The following TYW1 variants were observed in gnomAD, a reference collection of about 807,000 sequenced individuals.
TYW1 encodes the protein tRNA-yW synthesizing protein 1 homolog.
A neutral mutation model predicts 96.2 loss-of-function variants in TYW1; 46 were observed. The ratio of observed to expected loss-of-function variants is 0.48; its 90% CI spans 0.38 to 0.61. TYW1 has a LOEUF of 0.61. Among genes scored for constraint, TYW1 ranks in the 20% least tolerant of loss-of-function variants. The pLI, the probability that TYW1 is intolerant of heterozygous loss-of-function variation, is 0.00. For missense variants in TYW1, 684 were observed against 909.6 expected (o/e 0.75, Z 3.19); for synonymous variants, 274 against 323.0 (o/e 0.85, Z 1.63).
At position 67,077,001 on chromosome 7, in the gene TYW1, T is replaced by C. The variant is rs2115733270; in HGVS notation, c.1275-6429T>C. ...GTTGGCCAGGCTGGCTTCAAACTCC[T>C]GACCTCAAGTGATCCACTGGCCTCA... On this transcript the variant is annotated intron_variant, in intron 10 of 15. Transcript: ENST00000359626. Among the ~76,000 whole-genome samples, 5 of 152,212 alleles carry C rather than the reference T, an allele frequency of 3.3e-5. No homozygotes were observed. In the South Asian group the frequency reaches 1.0e-3, roughly 32 times the overall value.
At chr7:67,142,266 T>A (rs4593419) in intron 13 of TYW1, among the ~76,000 whole-genome samples, 39,386 of 151,658 alleles carry the variant, frequency 0.26, 5,597 homozygotes, top group African/African-American at 0.38. Flanking sequence ...CAGTTAATCT[T>A]TATTTATTTA....
chr7:67,005,782 A>C (rs1015572989), intron 3 of TYW1, among the ~76,000 whole-genome samples: 43 of 152,238 alleles, frequency 2.8e-4, no homozygotes, highest in African/African-American at 9.9e-4. Flanking sequence ...AAAACCCTGC[A>C]CTGACCCCTT....
intron 9 of TYW1, 149 bp from the exon 10 acceptor site, chr7:67,067,136 C>T (rs571697246): frequency 9.4e-6 from 8 of 852,460 alleles, no homozygotes; most frequent in African/African-American, 6.7e-5. Context: ...CACTGAAATG[C>T]TCTGATGCGA....
At chr7:67,076,828 G>T (rs1796224371) in intron 10 of TYW1, among the ~76,000 whole-genome samples, 1 of 145,832 alleles carries the variant, frequency 6.9e-6, no homozygotes, top group Non-Finnish European at 1.5e-5. Flanking sequence ...AGGCTGGAGT[G>T]CAATGACACA....
At chr7:67,141,861 C>T (rs1447566849) in intron 13 of TYW1, among the ~76,000 whole-genome samples, 4 of 152,150 alleles carry the variant, frequency 2.6e-5, no homozygotes, top group East Asian at 3.9e-4. Flanking sequence ...CATGGGGAGA[C>T]GCCCTCTCTA....
rs1014357328 is a variant in TYW1, at chr7:67,197,983, G to A, written c.1977+2646G>A. ...TGCCCCCCGCCCCCGCAGCATACAC[G>A]TGCACGCATCGTCTTTTCTGAACCC... On this transcript the variant is annotated intron_variant, in intron 15 of 15. Transcript: ENST00000359626. Among the ~76,000 whole-genome samples, 29 of 105,438 alleles carry A rather than the reference G, an allele frequency of 2.8e-4. 1 individual carries two copies. The highest frequency in any genetic ancestry group is 1.2e-3 in the South Asian group (3 of 2,590). The allele number at this position is 105,438 out of a possible 152,430, so 69.2% of individuals were successfully genotyped here.
chr7:67,127,637 C>T (rs1159046506), intron 13 of TYW1, among the ~76,000 whole-genome samples: 5 of 152,150 alleles, frequency 3.3e-5, no homozygotes, highest in African/African-American at 1.2e-4. Flanking sequence ...TTTTATTTTA[C>T]TCCTTCTCTG....
In TYW1 at chr7:67,176,435, C is replaced by T. The variant is rs1236863275; in HGVS notation, c.1699-6691C>T. Among the ~76,000 whole-genome samples the T allele has an allele frequency of 4.6e-5, 7 of 152,278 alleles. No homozygotes were observed. The South Asian group carries it at 1.2e-3, about 27-fold the overall frequency. The stretch of plus-strand genomic sequence containing the variant: ...GCTGTGCATTGGAATTTAAAGACTA[C>T]ACTTGATCTTAGCCAAAAGGCCAAG... On this transcript the variant is annotated intron_variant, in intron 13 of 15. Coordinates refer to ENST00000359626, the MANE Select transcript of TYW1 (RefSeq NM_018264.4).
chr7:67,122,262 A>G (rs1170547785), intron 13 of TYW1, among the ~76,000 whole-genome samples: 6 of 152,170 alleles, frequency 3.9e-5, no homozygotes, highest in Non-Finnish European at 7.3e-5. Context: ...CCCTCTCTCT[A>G]CAGATGTTAG....
At chr7:67,086,096 A>T (rs2949138) in intron 11 of TYW1, among the ~76,000 whole-genome samples, 97,175 of 152,088 alleles carry the variant, frequency 0.64, 31,195 homozygotes, top group Middle Eastern at 0.73. Flanking sequence ...TTTACAAAGA[A>T]GCTAATGATT....
At chr7:67,150,850 C>A (rs1175559624) in intron 13 of TYW1, among the ~76,000 whole-genome samples, 1 of 149,370 alleles carries the variant, frequency 6.7e-6, no homozygotes, top group African/African-American at 2.5e-5. Flanking sequence ...CTCAAGAAAC[C>A]CAGATAATTT....
At chr7:67,040,261 T>G (rs1406652256) in intron 7 of TYW1, among the ~76,000 whole-genome samples, 1 of 152,226 alleles carries the variant, frequency 6.6e-6, no homozygotes, top group Non-Finnish European at 1.5e-5. Flanking sequence ...CTTAAACATT[T>G]AAAATTTGCT....
chr7:67,067,232 G>C, intron 9 of TYW1, 53 bp from the exon 10 acceptor site: 6 of 1,583,142 alleles, frequency 3.8e-6, no homozygotes, highest in Non-Finnish European at 5.2e-6. Context: ...TTGGTGGTTT[G>C]TTTCTGTGCT....
chr7:67,110,537 CACA>C (rs1797371216), intron 12 of TYW1, among the ~76,000 whole-genome samples: 1 of 152,194 alleles, frequency 6.6e-6, no homozygotes, highest in Non-Finnish European at 1.5e-5. Context: ...AGTGGCCAAA[CACA>C]ACAATGAATA....
chr7:67,238,434 C>G lies in TYW1; in HGVS notation c.2104C>G (p.His702Asp), dbSNP rs372821774. 82 of 1,613,764 alleles carry G rather than the reference C, an allele frequency of 5.1e-5. No individual in the cohort carries two copies. The highest frequency in any genetic ancestry group is 6.9e-5 in the Non-Finnish European group (81 of 1,179,868). Residue 702 changes from histidine (H) to aspartate (D), a missense_variant, in exon 16 of 16, where the codon CAC becomes GAC. His to Asp is a moderately conservative substitution (Grantham distance 81). Transcript: ENST00000359626. The stretch of plus-strand genomic sequence containing the variant: ...AAAGGATTATATGGCCAGAACTCCT[C>G]ACTGGGCATTATTTGGTGCCAGTGA... The part of the protein sequence containing the change: ...SAKDYMARTP[H>D]WALFGASERG...
At chr7:67,159,812 T>A (rs553173869) in intron 13 of TYW1, among the ~76,000 whole-genome samples, 75 of 152,054 alleles carry the variant, frequency 4.9e-4, no homozygotes, top group Non-Finnish European at 9.6e-4. Flanking sequence ...TATTTATTTA[T>A]TTTTTTGAGA....
intron 13 of TYW1, among the ~76,000 whole-genome samples, chr7:67,163,434 C>T (rs2421419): frequency 0.28 from 42,759 of 151,990 alleles, 6,535 homozygotes; most frequent in African/African-American, 0.4. Context: ...TTTCACCCTC[C>T]GCTTACTCCT....
chr7:67,128,027 C>A lies in TYW1; in HGVS notation c.1698+10409C>A, dbSNP rs1294212104. ...ACTTACATGCTTATCTATAGTTTTTCTGACATTTATCCTACTTGGTGTTCT... is the reference window on the plus strand; with the variant it reads ...ACTTACATGCTTATCTATAGTTTTTATGACATTTATCCTACTTGGTGTTCT... On this transcript the variant is annotated intron_variant, in intron 13 of 15. Transcript: ENST00000359626. 5.9e-5 allele frequency among the ~76,000 whole-genome samples: 9 copies of A among 152,006 alleles called. No individual in the cohort carries two copies. In the East Asian group the frequency reaches 1.7e-3, roughly 29 times the overall value.
chr7:67,062,234 C>A (rs542544077), intron 9 of TYW1, among the ~76,000 whole-genome samples: 8 of 151,978 alleles, frequency 5.3e-5, no homozygotes, highest in Admixed American at 1.3e-4. Context: ...TATGGTGAAA[C>A]CCTGTCTCTA....
Sources: gnomAD v4.1 joint callset for allele counts (sites outside exome capture counted in the v4.1 genomes callset) on GRCh38, gnomAD v4.1.1 for gene constraint, MANE v1.5 for transcripts, NCBI Gene and HGNC (gene_info 2026-07-23, HGNC 2026-07-21) for gene names.